Variants in ARHGEF4 observed in about 807,000 individuals in gnomAD.
The protein encoded by ARHGEF4 is APC-stimulated guanine nucleotide exchange factor 1.
Under a neutral mutation model 162.0 loss-of-function variants are expected in ARHGEF4, and 119 were observed. The observed-to-expected ratio is 0.73, with a 90% CI of 0.63 to 0.86. The LOEUF is 0.86. Ranked by LOEUF, ARHGEF4 falls within the 40% of genes least tolerant of loss-of-function variation. The probability of loss-of-function intolerance (pLI) is 0.00; values close to 1 mark genes in which losing one functional copy is unlikely to be tolerated. For synonymous variants in ARHGEF4, 1,014 were observed against 979.9 expected, an observed-to-expected ratio of 1.03 and a Z score of -0.65; for missense variants, 2,488 against 2,456.0, an observed-to-expected ratio of 1.01 and a Z score of -0.28.
intron 1 of ARHGEF4, among the ~76,000 whole-genome samples, chr2:130,881,303 C>T (rs1344554118): frequency 2.0e-5 from 3 of 152,282 alleles, no homozygotes; most frequent in African/African-American, 2.4e-5. Context: ...CATGAGCCAC[C>T]GCGCCCTGCA....
At chr2:130,900,516 T>C (rs1357913046) in intron 1 of ARHGEF4, among the ~76,000 whole-genome samples, 1 of 152,240 alleles carries the variant, frequency 6.6e-6, no homozygotes, top group Admixed American at 6.5e-5. Flanking sequence ...TCCATCACCA[T>C]ACTTTTCAGT....
intron 1 of ARHGEF4, among the ~76,000 whole-genome samples, chr2:130,841,342 G>C (rs1680594851): frequency 6.6e-6 from 1 of 150,410 alleles, no homozygotes; most frequent in African/African-American, 2.4e-5. Flanking sequence ...GGGATTACAA[G>C]CATGAGCCAC....
At chr2:130,867,452 G>A (rs1251270580) in intron 1 of ARHGEF4, among the ~76,000 whole-genome samples, 1 of 151,894 alleles carries the variant, frequency 6.6e-6, no homozygotes, top group East Asian at 1.9e-4. Context: ...TGGCCAGGCT[G>A]GTCTCGAACT....
intron 4 of ARHGEF4, among the ~76,000 whole-genome samples, chr2:130,974,708 C>T (rs1558792183): frequency 6.6e-6 from 1 of 152,012 alleles, no homozygotes; most frequent in South Asian, 2.1e-4. Context: ...GCAATCCACC[C>T]GCCTTGGCCT....
At chr2:130,926,048 C>CTTTCTTTCTCTCTCTTTCTT in intron 2 of ARHGEF4, among the ~76,000 whole-genome samples, 1 of 53,412 alleles carries the variant, frequency 1.9e-5, no homozygotes, top group African/African-American at 6.2e-5. Context: ...TTCTTTCTTT[C>CTTTCTTTCTCTCTCTTTCTT]TCTTTCTTTC....
chr2:130,842,233 G>A (rs372817919), intron 1 of ARHGEF4, among the ~76,000 whole-genome samples: 3 of 151,836 alleles, frequency 2.0e-5, no homozygotes, highest in South Asian at 2.1e-4. Flanking sequence ...GGTTCAGTGG[G>A]GTTGTGAGCC....
Position 131,040,121 on chromosome 2 carries a change from C to T in ARHGEF4, c.4411C>T (p.Arg1471Trp). Reference sequence around the variant, plus strand: ...GGCGCAGAGCAGCAAGGACCAGATGCGGACCAACGTCATCAACGAGATCCT... The same window carrying T: ...GGCGCAGAGCAGCAAGGACCAGATGTGGACCAACGTCATCAACGAGATCCT... ...AEAQSSKDQM[R>W]TNVINEILST... Residue 1471 changes from arginine to tryptophan, a missense_variant, in exon 7 of 14, where the codon CGG becomes TGG. Around this residue, in one of 6 missense-constraint regions of ARHGEF4, gnomAD observed 174 missense variants for 148.3 expected, o/e 1.17. Transcript: ENST00000409359. The T allele has an allele frequency of 1.2e-6, 2 of 1,612,796 alleles. No individual in the cohort carries two copies. Among genetic ancestry groups the T allele is most frequent in the South Asian group, 1.1e-5 (1 of 90,984 alleles).
At chr2:131,017,299 C>T (rs954497741) in intron 4 of ARHGEF4, among the ~76,000 whole-genome samples, 2 of 152,204 alleles carry the variant, frequency 1.3e-5, no homozygotes, top group Non-Finnish European at 1.5e-5. Flanking sequence ...CCTGGATCTC[C>T]TGGCTTCAGT....
intron 4 of ARHGEF4, among the ~76,000 whole-genome samples, chr2:130,948,323 C>G (rs568055986): frequency 6.6e-6 from 1 of 152,268 alleles, no homozygotes; most frequent in East Asian, 1.9e-4. Context: ...TTTATTCTTT[C>G]CCACATAAAG....
intron 4 of ARHGEF4, among the ~76,000 whole-genome samples, chr2:130,978,165 G>A (rs1401967035): frequency 6.6e-6 from 1 of 152,154 alleles, no homozygotes; most frequent in African/African-American, 2.4e-5. Context: ...AACTGTCTAT[G>A]GGACCCTCGG....
chr2:131,018,858 C>T (rs1688920948), intron 4 of ARHGEF4, among the ~76,000 whole-genome samples: 2 of 152,228 alleles, frequency 1.3e-5, no homozygotes, highest in Middle Eastern at 3.2e-3. Context: ...TCTTTTCCCT[C>T]ACAGTGTTAG....
chr2:131,027,239 C>T (rs1416036145), intron 4 of ARHGEF4, among the ~76,000 whole-genome samples: 2 of 152,210 alleles, frequency 1.3e-5, no homozygotes, highest in Non-Finnish European at 2.9e-5. Context: ...GAAACAATCA[C>T]AGCTACACAC....
intron 1 of ARHGEF4, among the ~76,000 whole-genome samples, chr2:130,875,077 G>T (rs770111879): frequency 6.6e-6 from 1 of 152,172 alleles, no homozygotes; most frequent in Non-Finnish European, 1.5e-5. Flanking sequence ...TCCTCTGGAA[G>T]ATGACTTTAA....
chr2:131,043,520 T>C lies in ARHGEF4; in HGVS notation c.5094T>C (p.Pro1698=). 1 of 1,614,060 alleles carries C rather than the reference T, an allele frequency of 6.2e-7. No homozygotes were observed. Among genetic ancestry groups the C allele is most frequent in the Middle Eastern group, 1.6e-4 (1 of 6,062 alleles). The change falls in exon 11 of 14, where the codon CCT becomes CCC. Residue 1698 remains proline, a synonymous_variant. Coordinates refer to ENST00000409359, the MANE Select transcript of ARHGEF4 (RefSeq NM_001367493.1). Reference sequence around the variant, plus strand: ...GGGAGCTGACTCGAGTTACACAGCCTCAAGCCAAAAGCCAGCAGCGAATGT... The same window carrying C: ...GGGAGCTGACTCGAGTTACACAGCCCCAAGCCAAAAGCCAGCAGCGAATGT... ...YSGELTRVTQ[P]QAKSQQRMFF...
chr2:130,926,818 T>TTTTTTTTTTTTTTTTTA (rs1682323582), intron 2 of ARHGEF4, among the ~76,000 whole-genome samples: 1 of 120,288 alleles, frequency 8.3e-6, no homozygotes, highest in East Asian at 2.3e-4. Context: ...TGATTTTTTT[T>TTTTTTTTTTTTTTTTTA]TTTTTTTTTT....
chr2:130,949,224 T>A (rs1332888466), intron 4 of ARHGEF4, among the ~76,000 whole-genome samples: 1 of 152,242 alleles, frequency 6.6e-6, no homozygotes, highest in Admixed American at 6.5e-5. Context: ...TTTGAAGCCA[T>A]TAAGAACAGA....
intron 4 of ARHGEF4, among the ~76,000 whole-genome samples, chr2:130,993,411 T>C (rs1327974805): frequency 6.6e-6 from 1 of 152,162 alleles, no homozygotes; most frequent in African/African-American, 2.4e-5. Context: ...TTCACAATAA[T>C]TTTAGTGTTT....
chr2:131,006,931 T>C (rs1033281427), intron 4 of ARHGEF4, among the ~76,000 whole-genome samples: 3 of 152,100 alleles, frequency 2.0e-5, no homozygotes, highest in Non-Finnish European at 4.4e-5. Context: ...TTGTAAGGGA[T>C]TGGGAGGTGG....
intron 1 of ARHGEF4, among the ~76,000 whole-genome samples, chr2:130,907,835 A>G (rs1208890702): frequency 6.6e-6 from 1 of 151,830 alleles, no homozygotes; most frequent in Non-Finnish European, 1.5e-5. Flanking sequence ...ATGCACCTAT[A>G]GTCCCAGCTA....
Sources: gnomAD v4.1 joint callset for allele counts (sites outside exome capture counted in the v4.1 genomes callset) on GRCh38, gnomAD v4.1.1 for gene constraint, gnomAD v4.1.1 regional missense constraint, MANE v1.5 for transcripts, NCBI Gene and HGNC (gene_info 2026-07-23, HGNC 2026-07-21) for gene names.